NCAM2: variants seen among roughly 807,000 people sequenced by gnomAD.
NCAM2 encodes N-CAM-2.
Under a neutral mutation model 98.1 loss-of-function variants are expected in NCAM2, and 30 were observed. The ratio of observed to expected loss-of-function variants is 0.31; its 90% CI spans 0.23 to 0.41. The LOEUF (loss-of-function observed/expected upper bound fraction) is 0.41, where lower values mean the gene tolerates loss of function less well. Among genes scored for constraint, NCAM2 ranks in the 10% least tolerant of loss-of-function variants. The pLI is 1.00. For missense variants in NCAM2, 867 were observed against 1,005.8 expected, an observed-to-expected ratio of 0.86 and a Z score of 1.87; for synonymous variants, 368 against 342.4, an observed-to-expected ratio of 1.07 and a Z score of -0.83.
intron 1 of NCAM2, among the ~76,000 whole-genome samples, chr21:21,189,659 A>G (rs2068755071): frequency 6.6e-6 from 1 of 152,232 alleles, no homozygotes; most frequent in African/African-American, 2.4e-5. Context: ...CATTTTCAAA[A>G]GTGATCTGAA....
chr21:21,453,424 G>A (rs902693341), intron 12 of NCAM2, among the ~76,000 whole-genome samples: 1 of 151,980 alleles, frequency 6.6e-6, no homozygotes, highest in Admixed American at 6.6e-5. Context: ...TGAAGTAGGA[G>A]TAGACAGATA....
rs188179324 is a variant in NCAM2 at position 21,331,349 on chromosome 21, G to C, written c.738-4156G>C. ...GAAGTGGTTTCAGTGTGTTGCCAGGGTTGAACTTCAAATCCTGGCTTCAAG... is the reference window on the plus strand; with the variant it reads ...GAAGTGGTTTCAGTGTGTTGCCAGGCTTGAACTTCAAATCCTGGCTTCAAG... On this transcript the variant is annotated intron_variant, in intron 6 of 17. Transcript: ENST00000400546. Among the ~76,000 whole-genome samples the C allele has an allele frequency of 8.0e-4, 120 of 149,892 alleles. 1 individual carries two copies. Among genetic ancestry groups the C allele is most frequent in the Admixed American group, 1.9e-3 (28 of 14,904 alleles).
chr21:21,499,881 C>G (rs1987514226), intron 15 of NCAM2, among the ~76,000 whole-genome samples: 1 of 152,140 alleles, frequency 6.6e-6, no homozygotes, highest in East Asian at 1.9e-4. Context: ...ATATGGACCA[C>G]AAAATGGGTG....
intron 11 of NCAM2, among the ~76,000 whole-genome samples, chr21:21,419,364 T>G (rs1011080961): frequency 1.3e-5 from 2 of 151,524 alleles, no homozygotes; most frequent in African/African-American, 4.8e-5. Flanking sequence ...TTTTCGATTT[T>G]TTTTTATTAT....
At chr21:21,469,930 G>A (rs1407742082) in intron 14 of NCAM2, among the ~76,000 whole-genome samples, 1 of 151,948 alleles carries the variant, frequency 6.6e-6, no homozygotes, top group Non-Finnish European at 1.5e-5. Context: ...AGGGAGGTAG[G>A]CTTGGCCAGA....
At chr21:21,249,427 G>T (rs1312255215) in intron 1 of NCAM2, among the ~76,000 whole-genome samples, 1 of 152,058 alleles carries the variant, frequency 6.6e-6, no homozygotes, top group Non-Finnish European at 1.5e-5. Context: ...GCCCCACCTT[G>T]CTCCTTACCC....
At chr21:21,430,023 T>C (rs1401954289) in intron 11 of NCAM2, among the ~76,000 whole-genome samples, 2 of 152,030 alleles carry the variant, frequency 1.3e-5, no homozygotes, top group Non-Finnish European at 2.9e-5. Flanking sequence ...TATGAGATTT[T>C]TTATTTGTAT....
intron 9 of NCAM2, among the ~76,000 whole-genome samples, chr21:21,397,640 A>G (rs1279948635): frequency 1.3e-5 from 2 of 152,190 alleles, no homozygotes; most frequent in Non-Finnish European, 2.9e-5. Context: ...CTTTGGGGGA[A>G]GGGGGAGTTC....
Position 21,037,733 on chromosome 21 carries a change from T to A in NCAM2, c.55+39115T>A, listed in dbSNP as rs111314327. Among the ~76,000 whole-genome samples the A allele has an allele frequency of 5.8e-3, 889 of 152,300 alleles. 8 individuals carry two copies. The highest frequency in any genetic ancestry group is 8.6e-3 in the Non-Finnish European group (584 of 68,024). On this transcript the variant is annotated intron_variant, in intron 1 of 17. Transcript: ENST00000400546. ...GGATTTTGTCAGTTAAAAATTTAAG[T>A]TTAAGAGTAGAATGGGTGTATAATG...
chr21:21,366,517 A>G (rs1476678803), intron 8 of NCAM2, among the ~76,000 whole-genome samples: 2 of 152,086 alleles, frequency 1.3e-5, no homozygotes, highest in Non-Finnish European at 2.9e-5. Context: ...ATAATTCTTC[A>G]GTAAAATGTC....
At chr21:21,338,330 T>C in intron 7 of NCAM2, 59 bp from the exon 8 acceptor site, 1 of 1,498,288 alleles carries the variant, frequency 6.7e-7, no homozygotes, top group Non-Finnish European at 9.2e-7. Flanking sequence ...TCATGACTTT[T>C]GTCTGAGAAG....
At chr21:21,279,762 G>C (rs1210889989) in intron 1 of NCAM2, among the ~76,000 whole-genome samples, 1 of 152,150 alleles carries the variant, frequency 6.6e-6, no homozygotes. Context: ...CCCAGTGCAG[G>C]TTCGTACTCT....
intron 5 of NCAM2, among the ~76,000 whole-genome samples, chr21:21,318,414 T>A (rs1045184230): frequency 1.3e-5 from 2 of 152,204 alleles, no homozygotes; most frequent in Non-Finnish European, 2.9e-5. Context: ...TCCTTTCAAC[T>A]GTAACTTTTC....
At chr21:21,223,254 A>G (rs1463443190) in intron 1 of NCAM2, 1 of 152,162 alleles carries the variant, frequency 6.6e-6, no homozygotes, top group Admixed American at 6.6e-5. Context: ...AATTTCTAGA[A>G]TCACAAAAAT....
intron 1 of NCAM2, among the ~76,000 whole-genome samples, chr21:21,048,253 G>A (rs1480982944): frequency 6.6e-6 from 1 of 152,044 alleles, no homozygotes; most frequent in Non-Finnish European, 1.5e-5. Flanking sequence ...TTAATCCCAG[G>A]TCTTCAGATA....
At position 21,538,077 on chromosome 21, in the gene NCAM2, T is replaced by C; in HGVS notation, c.*120T>C. On this transcript the variant is annotated 3_prime_UTR_variant, in exon 18 of 18. Transcript: ENST00000400546. ...GAAACTTCTAGCTTGGAATAGCTTG[T>C]ACACATATACATATGATCAAATACT... is the stretch of plus-strand genomic sequence containing the variant. The C allele has an allele frequency of 2.0e-6, 1 of 490,122 alleles. No homozygotes were observed. The highest frequency in any genetic ancestry group is 3.6e-6 in the Non-Finnish European group (1 of 274,290). 30.4% of individuals were successfully genotyped at this position (490,122 alleles called of 1,614,324 possible).
At chr21:21,291,948 A>G (rs2073313213) in intron 4 of NCAM2, among the ~76,000 whole-genome samples, 156 bp from the exon 5 acceptor site, 1 of 151,628 alleles carries the variant, frequency 6.6e-6, no homozygotes, top group Admixed American at 6.6e-5. Context: ...AATTGAAGTC[A>G]TGAAATTACA....
intron 1 of NCAM2, among the ~76,000 whole-genome samples, chr21:21,053,036 G>A (rs1031157452): frequency 8.6e-5 from 13 of 150,988 alleles, no homozygotes; most frequent in Non-Finnish European, 1.5e-4. Context: ...TACTTACAGC[G>A]GACAAACTTC....
intron 6 of NCAM2, among the ~76,000 whole-genome samples, chr21:21,329,195 C>T (rs1311661174): frequency 6.6e-6 from 1 of 152,070 alleles, no homozygotes; most frequent in Non-Finnish European, 1.5e-5. Context: ...GATTATCCCG[C>T]GTCCGCCTCC....
Sources: gnomAD v4.1 joint callset for allele counts (sites outside exome capture counted in the v4.1 genomes callset) on GRCh38, gnomAD v4.1.1 for gene constraint, MANE v1.5 for transcripts, NCBI Gene and HGNC (gene_info 2026-07-23, HGNC 2026-07-21) for gene names.